The following ATP5MJ variants were observed in gnomAD, a reference collection of about 807,000 sequenced individuals.
ATP5MJ encodes the protein ATP synthase F(0) complex subunit j, mitochondrial.
ATP5MJ carries 4 observed loss-of-function variants against 8.3 expected under a neutral mutation model. That is an observed-to-expected ratio of 0.48 (90% confidence interval 0.24 to 1.11). The LOEUF (loss-of-function observed/expected upper bound fraction) is 1.11. Among genes scored for constraint, ATP5MJ ranks in the 50% least tolerant of loss-of-function variants. The pLI, the probability that ATP5MJ is intolerant of heterozygous loss-of-function variation, is 0.18. For missense variants in ATP5MJ, 66 were observed against 71.8 expected (o/e 0.92, Z 0.29); for synonymous variants, 23 against 21.3 (o/e 1.08, Z -0.23).
chr14:103,921,419 C>T (rs559859743), intron 1 of ATP5MJ, 51 bp downstream of exon 1: 15 of 225,884 alleles, frequency 6.6e-5, no homozygotes, highest in African/African-American at 3.1e-4. Context: ...CTCGCCCTCC[C>T]GCCCCCGCCG....
intron 1 of ATP5MJ, among the ~76,000 whole-genome samples, chr14:103,919,840 T>TC (rs1352760087): frequency 6.6e-6 from 1 of 152,058 alleles, no homozygotes; most frequent in African/African-American, 2.4e-5. Context: ...CCCCCCTTTT[T>TC]TTTTTTAGAC....
At chr14:103,912,943 C>G (rs951200484) in intron 3 of ATP5MJ, 1 of 524,432 alleles carries the variant, frequency 1.9e-6, no homozygotes, top group Admixed American at 3.2e-5. Flanking sequence ...ACCTCCTCCT[C>G]AAACTCATGT....
intron 1 of ATP5MJ, among the ~76,000 whole-genome samples, chr14:103,917,839 G>A (rs2087637744): frequency 6.6e-6 from 1 of 152,174 alleles, no homozygotes; most frequent in Admixed American, 6.5e-5. Context: ...CTCCTATAAA[G>A]CGGGTACTCG....
intron 2 of ATP5MJ, chr14:103,914,839 A>AAAAGGAAAAAAAAAC (rs1567185663): frequency 4.9e-6 from 1 of 203,774 alleles, no homozygotes; most frequent in African/African-American, 2.8e-5. Flanking sequence ...ACTGTCTCCA[A>AAAAGGAAAAAAAAAC]AAAAAAAAAA....
chr14:103,915,676 A>G (rs3783310), intron 1 of ATP5MJ, among the ~76,000 whole-genome samples: 115,462 of 148,482 alleles, frequency 0.78, 45,694 homozygotes, highest in African/African-American at 0.94. Context: ...TAAAGCAGAG[A>G]TGGGGTTTTA....
At chr14:103,915,648 ATTTTTT>A (rs542646013) in intron 1 of ATP5MJ, among the ~76,000 whole-genome samples, 1 of 132,886 alleles carries the variant, frequency 7.5e-6, no homozygotes. Context: ...GTGCCTGGCC[ATTTTTT>A]TTTTTTTTTT....
chr14:103,915,143 T>C lies in ATP5MJ; in HGVS notation c.47A>G (p.Tyr16Cys), dbSNP rs751161089. 3 of 1,613,868 alleles carry C rather than the reference T, an allele frequency of 1.9e-6. No homozygotes were observed. The highest frequency in any genetic ancestry group is 1.7e-6 in the Non-Finnish European group (2 of 1,179,762). ...IKNIWIPMKP[Y>C]YTKVYQEIWI... is the part of the protein sequence containing the mutation. The stretch of plus-strand genomic sequence containing the variant: ...AATCTCCTGGTAAACTTTGGTGTAG[T>C]AGGGCTTCATGGGGATCCATATGTT... Residue 16 changes from tyrosine (Y) to cysteine (C), a missense_variant, in exon 2 of 4, where the codon TAC (tyrosine) becomes TGC (cysteine). By Grantham distance (194) the Tyr-to-Cys change is radical. Transcript: ENST00000286953.
chr14:103,919,294 T>C (rs866752940), intron 1 of ATP5MJ, among the ~76,000 whole-genome samples: 4 of 147,498 alleles, frequency 2.7e-5, no homozygotes, highest in African/African-American at 1.0e-4. Flanking sequence ...GGCAGGAGAA[T>C]CGCTTGAACC....
At chr14:103,918,235 G>A (rs531725283) in intron 1 of ATP5MJ, 5 of 152,376 alleles carry the variant, frequency 3.3e-5, no homozygotes, top group African/African-American at 7.2e-5. Flanking sequence ...TCTCAGCAAC[G>A]ACTGGGAAGG....
intron 1 of ATP5MJ, among the ~76,000 whole-genome samples, chr14:103,916,098 G>A (rs1314372917): frequency 6.6e-6 from 1 of 152,174 alleles, no homozygotes; most frequent in Non-Finnish European, 1.5e-5. Context: ...CCATCTTGAA[G>A]TCTATTGCTA....
At chr14:103,920,846 A>G in intron 1 of ATP5MJ, 1 of 929,262 alleles carries the variant, frequency 1.1e-6, no homozygotes, top group South Asian at 1.4e-5. Flanking sequence ...CAGACCTTTT[A>G]AAAATCCATC....
chr14:103,917,167 A>G (rs1171828951), intron 1 of ATP5MJ, among the ~76,000 whole-genome samples: 2 of 152,216 alleles, frequency 1.3e-5, no homozygotes, highest in East Asian at 1.9e-4. Flanking sequence ...GGGAGGCCAC[A>G]GTGCCAGATT....
chr14:103,921,208 C>T, intron 1 of ATP5MJ: 1 of 598,968 alleles, frequency 1.7e-6, no homozygotes, highest in South Asian at 2.0e-5. Flanking sequence ...AGGTACGCTC[C>T]CTGTCAAAAC....
intron 1 of ATP5MJ, among the ~76,000 whole-genome samples, chr14:103,916,714 G>A (rs1262487725): frequency 7.2e-5 from 11 of 152,138 alleles, no homozygotes; most frequent in Admixed American, 7.2e-4. Flanking sequence ...CCACTGCACT[G>A]CAGCCTGGGT....
In ATP5MJ at chr14:103,912,394, A is replaced by G. The variant is rs1299026423; in HGVS notation, c.*272T>C. ...GTACAACTGAGGTAATTATTTCACA[A>G]TGATGGGTGGCTCAGTGAGATTCTG... On this transcript the variant is annotated 3_prime_UTR_variant, in exon 4 of 4. Coordinates refer to ENST00000286953, the MANE Select transcript of ATP5MJ (RefSeq NM_004894.3). 1 of 447,984 alleles carries G rather than the reference A, an allele frequency of 2.2e-6. No individual in the cohort carries two copies. Among genetic ancestry groups the G allele is most frequent in the Non-Finnish European group, 4.0e-6 (1 of 249,728 alleles). 27.8% of individuals were successfully genotyped at this position (447,984 alleles called of 1,614,324 possible).
At chr14:103,914,845 AAAAAAAAAAAAAG>A (rs1193631114) in intron 2 of ATP5MJ, 1 of 436,834 alleles carries the variant, frequency 2.3e-6, no homozygotes, top group Non-Finnish European at 3.9e-6. Context: ...TCCAAAAAAA[AAAAAAAAAAAAAG>A]AAAAGAAAAG....
intron 2 of ATP5MJ, chr14:103,914,837 C>CAAAAAAAAA (rs35916279): frequency 4.6e-4 from 88 of 191,000 alleles, no homozygotes; most frequent in Middle Eastern, 1.5e-3. Flanking sequence ...AGACTGTCTC[C>CAAAAAAAAA]AAAAAAAAAA....
chr14:103,914,098 G>T, intron 2 of ATP5MJ, 114 bp from the exon 3 acceptor site: 1 of 967,100 alleles, frequency 1.0e-6, no homozygotes, highest in Non-Finnish European at 1.5e-6. Context: ...AATTCAGGAA[G>T]CTTTCAGAAA....
chr14:103,912,557 G>T lies in ATP5MJ; in HGVS notation c.*109C>A. On this transcript the variant is annotated 3_prime_UTR_variant, in exon 4 of 4. Coordinates refer to ENST00000286953, the MANE Select transcript of ATP5MJ (RefSeq NM_004894.3). Reference sequence around the variant, plus strand: ...ATTTATTCATGCCATGAAGTAAACGGTACTTATACAAGTGTACAGTGACGT... The same window carrying T: ...ATTTATTCATGCCATGAAGTAAACGTTACTTATACAAGTGTACAGTGACGT... 8.9e-7 allele frequency: 1 copy of T among 1,117,442 alleles called. No homozygotes were observed. 69.2% of individuals were successfully genotyped at this position (1,117,442 alleles called of 1,614,324 possible).
Sources: gnomAD v4.1 joint callset for allele counts (sites outside exome capture counted in the v4.1 genomes callset) on GRCh38, gnomAD v4.1.1 for gene constraint, MANE v1.5 for transcripts, NCBI Gene and HGNC (gene_info 2026-07-23, HGNC 2026-07-21) for gene names.